Variants in TECTA observed in about 807,000 individuals in gnomAD.
TECTA encodes tectorin alpha, also known as alpha-tectorin.
TECTA carries 128 observed loss-of-function variants against 216.8 expected under a neutral mutation model. That is an observed-to-expected ratio of 0.59 (90% CI 0.51 to 0.68). The LOEUF (loss-of-function observed/expected upper bound fraction) is 0.68. TECTA is among the 30% of genes least tolerant of loss of function. TECTA has a pLI of 0.00. For synonymous variants in TECTA, 1,089 were observed against 1,117.1 expected (o/e 0.97, Z 0.50); for missense variants, 2,551 against 2,786.2 (o/e 0.92, Z 1.90).
chr11:121,113,356 G>C lies in TECTA; in HGVS notation c.624+147G>C. The C allele has an allele frequency of 1.3e-6, 2 of 1,492,200 alleles. No homozygotes were observed. The highest frequency in any genetic ancestry group is 1.8e-6 in the Non-Finnish European group (2 of 1,084,804). The allele number at this position is 1,492,200 out of a possible 1,614,324, so 92.4% of individuals were successfully genotyped here. A position where few individuals can be genotyped will look rare whatever the true frequency, so the allele number is the denominator to read the frequency against. On this transcript the variant is annotated intron_variant, in intron 5 of 23. Coordinates refer to ENST00000392793, the MANE Select transcript of TECTA (RefSeq NM_005422.4). The surrounding 1 kb of genome is among the most constrained non-coding windows in gnomAD (Gnocchi z 4.2). ...GCAGGTGGACTACGAGGCTAGTCCTGCCCATGTTTGGCACCCTGACTCGGC... is the reference window on the plus strand; with the variant it reads ...GCAGGTGGACTACGAGGCTAGTCCTCCCCATGTTTGGCACCCTGACTCGGC...
At position 121,162,099 on chromosome 11, in the gene TECTA, G is replaced by A. The variant is rs1395588056; in HGVS notation, c.5001G>A (p.Glu1667=). 6.2e-7 allele frequency: 1 copy of A among 1,614,144 alleles called. No homozygotes were observed. The highest frequency in any genetic ancestry group is 1.1e-5 in the South Asian group (1 of 91,084). Residue 1667 remains glutamate (E), a synonymous_variant, in exon 16 of 24, where the codon GAG becomes GAA. Transcript: ENST00000392793. The stretch of plus-strand genomic sequence containing the variant: ...GACCTCTTGCCCCCAGCTGCAACGA[G>A]CTGCAGTTCTCACAGTATGCAGCCA... ...QKRPLAPSCN[E]LQFSQYAAMC...
chr11:121,190,287 T>A (rs1345608510), intron 23 of TECTA, among the ~76,000 whole-genome samples: 1 of 152,134 alleles, frequency 6.6e-6, no homozygotes, highest in East Asian at 1.9e-4. Flanking sequence ...CTTTTTGAGA[T>A]GGAGTCTCGC....
intron 15 of TECTA, among the ~76,000 whole-genome samples, chr11:121,161,181 C>A (rs1946994682): frequency 1.3e-5 from 2 of 152,282 alleles, no homozygotes; most frequent in Non-Finnish European, 2.9e-5. Flanking sequence ...AACAATGTAT[C>A]ATATATTAGA....
chr11:121,161,845 T>C (rs1947003183), intron 15 of TECTA, among the ~76,000 whole-genome samples: 1 of 151,972 alleles, frequency 6.6e-6, no homozygotes, highest in South Asian at 2.1e-4. Context: ...AATCCATCAT[T>C]CCATTTTACC....
At chr11:121,177,837 C>T (rs1408624366) in intron 20 of TECTA, among the ~76,000 whole-genome samples, 4 of 152,184 alleles carry the variant, frequency 2.6e-5, no homozygotes, top group Non-Finnish European at 5.9e-5. Flanking sequence ...CCACCCAGTT[C>T]GAGCTTCCCG....
intron 20 of TECTA, among the ~76,000 whole-genome samples, chr11:121,186,076 GC>G (rs1947282857): frequency 8.8e-6 from 1 of 113,026 alleles, no homozygotes; most frequent in Non-Finnish European, 1.7e-5. Flanking sequence ...AGTAGGGAAA[GC>G]AGATGTTCAA....
Position 121,145,725 on chromosome 11 carries a change from T to C in TECTA, c.3714T>C (p.Tyr1238=), listed in dbSNP as rs753806263. The change falls in exon 12 of 24, where the codon TAT becomes TAC. Residue 1238 remains tyrosine (Y), a synonymous_variant. Coordinates refer to ENST00000392793, the MANE Select transcript of TECTA (RefSeq NM_005422.4). ...TVPRSMQNST[Y]GLCGRYNGNP... ...CTCGGAGCATGCAGAACAGCACCTA[T>C]GGTCTGTGTGGCCGCTACAACGGCA... 6.2e-7 allele frequency: 1 copy of C among 1,614,230 alleles called. No individual in the cohort carries two copies. Among genetic ancestry groups the C allele is most frequent in the Admixed American group, 1.7e-5 (1 of 60,030 alleles).
intron 10 of TECTA, among the ~76,000 whole-genome samples, chr11:121,134,773 C>A (rs1378844372): frequency 6.6e-6 from 1 of 152,148 alleles, no homozygotes; most frequent in African/African-American, 2.4e-5. Context: ...CTAACTCCTA[C>A]CTGGCAGGGG....
intron 20 of TECTA, among the ~76,000 whole-genome samples, chr11:121,171,919 T>C (rs1420243620): frequency 6.6e-6 from 1 of 152,208 alleles, no homozygotes; most frequent in African/African-American, 2.4e-5. Flanking sequence ...TCTTGCTTGA[T>C]TGAACTGGCT....
intron 20 of TECTA, among the ~76,000 whole-genome samples, chr11:121,179,646 A>G (rs1026003097): frequency 6.6e-6 from 1 of 152,036 alleles, no homozygotes; most frequent in African/African-American, 2.4e-5. Context: ...TTTACTTTGG[A>G]ATTTATCTCT....
chr11:121,137,366 C>A lies in TECTA; in HGVS notation c.2942-55C>A, dbSNP rs546563026. ...TACACACATGCATGCACGCACACTTCTGTCTCTGACTTTTGTCCTTTTCTC... is the reference window on the plus strand; with the variant it reads ...TACACACATGCATGCACGCACACTTATGTCTCTGACTTTTGTCCTTTTCTC... On this transcript the variant is annotated intron_variant, in intron 10 of 23. Coordinates refer to ENST00000392793, the MANE Select transcript of TECTA (RefSeq NM_005422.4). 14 of 1,612,588 alleles carry A rather than the reference C, an allele frequency of 8.7e-6. 1 individual carries two copies. In the South Asian group the frequency reaches 1.4e-4, roughly 16 times the overall value.
At chr11:121,136,395 C>T (rs1012224664) in intron 10 of TECTA, among the ~76,000 whole-genome samples, 6 of 151,892 alleles carry the variant, frequency 4.0e-5, no homozygotes, top group Non-Finnish European at 7.4e-5. Flanking sequence ...AAAGGGGCTG[C>T]GGGGTGATGA....
rs757009273 is a variant in TECTA at position 121,189,797 on chromosome 11, A to C, written c.6284A>C (p.Glu2095Ala). 2 of 1,614,022 alleles carry C rather than the reference A, an allele frequency of 1.2e-6. No individual in the cohort carries two copies. Among genetic ancestry groups the C allele is most frequent in the Non-Finnish European group, 1.7e-6 (2 of 1,179,990 alleles). ...TGGTGTGAGGACAATGGAGGGTGTG[A>C]GCAGATTTGCACGAGCCGGGTGGAT... is the stretch of plus-strand genomic sequence containing the variant. ...LDWCEDNGGC[E>A]QICTSRVDGP... is the part of the protein sequence containing the mutation. Residue 2095 changes from glutamate (E) to alanine (A), a missense_variant, in exon 23 of 24, where the codon GAG becomes GCG. This residue lies in a region of TECTA where 118 missense variants were observed against 116.4 expected (regional missense o/e 1.01). Coordinates refer to ENST00000392793, the MANE Select transcript of TECTA (RefSeq NM_005422.4).
At chr11:121,142,908 C>T (rs966546903) in intron 11 of TECTA, among the ~76,000 whole-genome samples, 2 of 152,100 alleles carry the variant, frequency 1.3e-5, no homozygotes, top group Non-Finnish European at 2.9e-5. Context: ...TCTACAGGGT[C>T]CTTCTCTTCA....
chr11:121,169,229 G>C (rs765196005), intron 20 of TECTA, among the ~76,000 whole-genome samples: 6 of 152,280 alleles, frequency 3.9e-5, no homozygotes, highest in Non-Finnish European at 8.8e-5. Flanking sequence ...TGTTTACTTT[G>C]AACTTCAAAT....
chr11:121,107,939 T>G (rs1411824244), intron 3 of TECTA, among the ~76,000 whole-genome samples: 1 of 152,188 alleles, frequency 6.6e-6, no homozygotes, highest in Non-Finnish European at 1.5e-5. Flanking sequence ...TGAGCTGGAA[T>G]GGAACTGGGC....
At chr11:121,175,344 C>A (rs996875975) in intron 20 of TECTA, among the ~76,000 whole-genome samples, 2 of 151,850 alleles carry the variant, frequency 1.3e-5, no homozygotes, top group African/African-American at 4.8e-5. Context: ...CTATAAATTT[C>A]CCTCTACACA....
chr11:121,159,819 C>A (rs1465221621), intron 14 of TECTA, among the ~76,000 whole-genome samples: 1 of 152,264 alleles, frequency 6.6e-6, no homozygotes, highest in Non-Finnish European at 1.5e-5. Context: ...CTCCTCTCCC[C>A]TACTTCTGCT....
At chr11:121,133,699 C>T (rs1192997072) in intron 10 of TECTA, among the ~76,000 whole-genome samples, 1 of 152,230 alleles carries the variant, frequency 6.6e-6, no homozygotes. Flanking sequence ...CATCTCCACT[C>T]AGCCTCCCGG....
Sources: gnomAD v4.1 joint callset for allele counts (sites outside exome capture counted in the v4.1 genomes callset) on GRCh38, gnomAD v4.1.1 for gene constraint, gnomAD v4.1.1 regional missense constraint, Gnocchi (gnomAD v3.1) non-coding constraint, MANE v1.5 for transcripts, NCBI Gene and HGNC (gene_info 2026-07-23, HGNC 2026-07-21) for gene names.